Variants in WBP1L observed in about 807,000 individuals in gnomAD.
The protein encoded by WBP1L is WW domain binding protein 1 like.
In WBP1L, 17 loss-of-function variants were observed where a neutral mutation model predicts 33.7. The ratio of observed to expected loss-of-function variants is 0.50; its 90% CI spans 0.34 to 0.76. The LOEUF (loss-of-function observed/expected upper bound fraction) is 0.76, where lower values mean the gene tolerates loss of function less well. WBP1L is among the 30% of genes least tolerant of loss of function. The pLI is 0.01. For synonymous variants in WBP1L, 173 were observed against 190.8 expected (o/e 0.91, Z 0.77); for missense variants, 389 against 469.4 (o/e 0.83, Z 1.58).
chr10:102,752,440 T>G lies in WBP1L; in HGVS notation c.90+8297T>G, dbSNP rs78804222. Among the ~76,000 whole-genome samples the G allele has an allele frequency of 5.3e-5, 8 of 152,334 alleles. No individual in the cohort carries two copies. In the East Asian group the frequency reaches 1.5e-3, roughly 29 times the overall value. On this transcript the variant is annotated intron_variant, in intron 1 of 3. Transcript: ENST00000448841. ...TGCCTTTCAGGTTTGTTGATGTATG[T>G]GGTCAGTCAGCTCTGTCTTGTCAGC... is the stretch of plus-strand genomic sequence containing the variant.
At chr10:102,809,757 TA>T in intron 2 of WBP1L, 135 bp from the exon 3 acceptor site, 1 of 947,402 alleles carries the variant, frequency 1.1e-6, no homozygotes, top group Non-Finnish European at 1.6e-6. Flanking sequence ...GGCTTCAATG[TA>T]AATTAACTGG....
intron 1 of WBP1L, among the ~76,000 whole-genome samples, chr10:102,749,103 G>A (rs1177232283): frequency 6.6e-6 from 1 of 152,186 alleles, no homozygotes; most frequent in Non-Finnish European, 1.5e-5. Flanking sequence ...GCACCATCCA[G>A]TAGAACCTTC....
At chr10:102,757,488 C>T (rs1377755848) in intron 1 of WBP1L, among the ~76,000 whole-genome samples, 1 of 150,348 alleles carries the variant, frequency 6.7e-6, no homozygotes, top group Non-Finnish European at 1.5e-5. Context: ...CAGTACTGTG[C>T]TGCAGTGAGG....
chr10:102,755,790 A>G (rs1402836542), intron 1 of WBP1L, among the ~76,000 whole-genome samples: 2 of 152,172 alleles, frequency 1.3e-5, no homozygotes, highest in African/African-American at 4.8e-5. Flanking sequence ...TCATGCCTGT[A>G]ATTCCAGCAC....
At chr10:102,755,736 A>G (rs1479877987) in intron 1 of WBP1L, among the ~76,000 whole-genome samples, 1 of 151,572 alleles carries the variant, frequency 6.6e-6, no homozygotes, top group African/African-American at 2.4e-5. Flanking sequence ...TGCTCATAAC[A>G]ATGTTAAATA....
At chr10:102,765,672 C>T (rs1843097229) in intron 1 of WBP1L, among the ~76,000 whole-genome samples, 1 of 152,178 alleles carries the variant, frequency 6.6e-6, no homozygotes, top group South Asian at 2.1e-4. Flanking sequence ...CCCTAAGTTG[C>T]TTACTTTAGA....
rs760871723 is a variant in WBP1L, at chr10:102,813,244, C to T, written c.1005C>T (p.His335=). 3 of 1,613,012 alleles carry T rather than the reference C, an allele frequency of 1.9e-6. No homozygotes were observed. The highest frequency in any genetic ancestry group is 3.3e-5 in the Admixed American group (2 of 60,020). The stretch of plus-strand genomic sequence containing the variant: ...AGGCTCGAGAGCCTGGGCACCCGCA[C>T]CTGCCACGGCCGCCCGCATGCCTGC... ...EEQAREPGHP[H]LPRPPACLLL... The change falls in exon 4 of 4, where the codon CAC becomes CAT. Residue 335 remains histidine (H), a synonymous_variant. Coordinates refer to ENST00000448841, the MANE Select transcript of WBP1L (RefSeq NM_001083913.2).
intron 2 of WBP1L, among the ~76,000 whole-genome samples, chr10:102,804,270 T>G (rs1444176044): frequency 6.6e-6 from 1 of 150,906 alleles, no homozygotes; most frequent in Non-Finnish European, 1.5e-5. Flanking sequence ...TGCCTGTAGT[T>G]CCAGCTACTT....
At chr10:102,757,198 A>C (rs1842986605) in intron 1 of WBP1L, among the ~76,000 whole-genome samples, 1 of 151,850 alleles carries the variant, frequency 6.6e-6, no homozygotes, top group Non-Finnish European at 1.5e-5. Context: ...CCAATTTTTA[A>C]ATTTTTTATA....
intron 1 of WBP1L, among the ~76,000 whole-genome samples, chr10:102,773,488 A>G (rs1020152514): frequency 1.3e-5 from 2 of 152,112 alleles, no homozygotes; most frequent in East Asian, 1.9e-4. Context: ...CAGGAAGTCT[A>G]TAATGCAATT....
intron 1 of WBP1L, among the ~76,000 whole-genome samples, chr10:102,750,736 T>C (rs2250053): frequency 0.76 from 115,573 of 151,398 alleles, 44,272 homozygotes; most frequent in Non-Finnish European, 0.77. Context: ...CTCCTGACCT[T>C]GTGATCCGCC....
At chr10:102,790,668 G>A (rs892411378) in intron 1 of WBP1L, among the ~76,000 whole-genome samples, 29 of 151,884 alleles carry the variant, frequency 1.9e-4, no homozygotes, top group Non-Finnish European at 3.2e-4. Context: ...CCGCCACCAC[G>A]CCCAGCTAAT....
At chr10:102,809,834 C>G in intron 2 of WBP1L, 59 bp from the exon 3 acceptor site, 1 of 1,543,772 alleles carries the variant, frequency 6.5e-7, no homozygotes, top group Non-Finnish European at 8.8e-7. Flanking sequence ...GTTCCGCAAG[C>G]TGCCCCTCTG....
chr10:102,751,303 A>G (rs891533731), intron 1 of WBP1L, among the ~76,000 whole-genome samples: 1 of 142,496 alleles, frequency 7.0e-6, no homozygotes, highest in Non-Finnish European at 1.5e-5. Context: ...CGCCCAATCA[A>G]GGTTTTCTTT....
chr10:102,809,592 C>A (rs556317279), intron 2 of WBP1L, among the ~76,000 whole-genome samples: 1 of 151,672 alleles, frequency 6.6e-6, no homozygotes, highest in Non-Finnish European at 1.5e-5. Context: ...AGGCTGGTCT[C>A]GAACTCCTGA....
chr10:102,790,176 TG>T (rs1405561621), intron 1 of WBP1L, among the ~76,000 whole-genome samples: 3 of 152,230 alleles, frequency 2.0e-5, no homozygotes, highest in African/African-American at 7.2e-5. Flanking sequence ...AGCACTTTGA[TG>T]GTAATTTTCT....
chr10:102,749,575 A>G (rs1048708019), intron 1 of WBP1L, among the ~76,000 whole-genome samples: 2 of 151,750 alleles, frequency 1.3e-5, no homozygotes, highest in Non-Finnish European at 2.9e-5. Flanking sequence ...TGGCCTCCCA[A>G]AGTGTTTGGA....
chr10:102,760,470 G>A (rs781304024), intron 1 of WBP1L, among the ~76,000 whole-genome samples: 1 of 149,292 alleles, frequency 6.7e-6, no homozygotes, highest in Non-Finnish European at 1.5e-5. Flanking sequence ...TCCGCCTCCC[G>A]GGTTCAAGCG....
intron 1 of WBP1L, among the ~76,000 whole-genome samples, chr10:102,753,727 G>A (rs1395437345): frequency 6.6e-6 from 1 of 152,114 alleles, no homozygotes; most frequent in East Asian, 1.9e-4. Flanking sequence ...TTTGATTCAA[G>A]ATCTCAGGTG....
Sources: allele counts gnomAD v4.1 joint callset (sites outside exome capture counted in the v4.1 genomes callset), GRCh38; gene constraint gnomAD v4.1.1; transcripts MANE v1.5; gene names NCBI Gene and HGNC (gene_info 2026-07-23, HGNC 2026-07-21).